F5: variants seen among roughly 807,000 people sequenced by gnomAD.
The protein encoded by F5 is activated protein c cofactor.
A neutral mutation model predicts 216.4 loss-of-function variants in F5; 138 were observed. The ratio of observed to expected loss-of-function variants is 0.64; its 90% CI spans 0.56 to 0.73. F5 has a LOEUF of 0.73. Among genes scored for constraint, F5 ranks in the 30% least tolerant of loss-of-function variants. F5 has a pLI of 0.00. For synonymous variants in F5, 916 were observed against 930.7 expected, an observed-to-expected ratio of 0.98 and a Z score of 0.29; for missense variants, 2,403 against 2,674.0, an observed-to-expected ratio of 0.90 and a Z score of 2.24.
chr1:169,567,726 G>A (rs1660639074), intron 3 of F5, among the ~76,000 whole-genome samples: 2 of 152,164 alleles, frequency 1.3e-5, no homozygotes, highest in South Asian at 4.2e-4. Context: ...TCATCCACTA[G>A]GTTCCAGGCT....
At position 169,544,132 on chromosome 1, in the gene F5, A is replaced by AT. The variant is rs532962761; in HGVS notation, c.1975+163dup. Among the ~76,000 whole-genome samples, 4 of 152,352 alleles carry AT rather than the reference A, an allele frequency of 2.6e-5. No homozygotes were observed. In the South Asian group the frequency reaches 6.2e-4, roughly 24 times the overall value. On this transcript the variant is annotated intron_variant, in intron 12 of 24. Transcript: ENST00000367797. ...CTAAAGAACTGGATCCATTTAAGTC[A>AT]TTAATTTCTCAAAGAGAAATCATGA...
rs879698638 is a variant in F5 at position 169,549,784 on chromosome 1, C to T, written c.1611+17G>A. The T allele has an allele frequency of 5.6e-6, 9 of 1,597,822 alleles. No individual in the cohort carries two copies. In the Admixed American group the frequency reaches 1.0e-4, roughly 18 times the overall value. ...AATTCTCAGAATTTCTGAAAGGTTA[C>T]TTCAAGGACAAAATACCTGTATTCC... On this transcript the variant is annotated intron_variant, in intron 10 of 24. Transcript: ENST00000367797.
chr1:169,550,854 C>T (rs1430146793), intron 8 of F5, 115 bp from the exon 9 acceptor site: 2 of 766,630 alleles, frequency 2.6e-6, no homozygotes, highest in Non-Finnish European at 4.5e-6. Flanking sequence ...CATGTGTACA[C>T]ACAGTAGGAA....
At position 169,560,603 on chromosome 1, in the gene F5, G is replaced by A. The variant is rs563995292; in HGVS notation, c.537C>T (p.Ile179=). 4.5e-5 allele frequency: 72 copies of A among 1,613,696 alleles called. No homozygotes were observed. In the South Asian group the frequency reaches 6.3e-4, roughly 14 times the overall value. ...THIYYSHENL[I]EDFNSGLIGP... ...CAATCAGCCCCGAGTTGAAATCCTCGATCAGATTTTCATGGGAGTAATAGA... is the reference window on the plus strand; with the variant it reads ...CAATCAGCCCCGAGTTGAAATCCTCAATCAGATTTTCATGGGAGTAATAGA... Residue 179 remains isoleucine (I), a synonymous_variant, in exon 4 of 25, where the codon ATC becomes ATT. Transcript: ENST00000367797.
intron 14 of F5, among the ~76,000 whole-genome samples, chr1:169,534,352 T>C (rs1248214863): frequency 6.6e-6 from 1 of 152,218 alleles, no homozygotes; most frequent in East Asian, 1.9e-4. Context: ...ATTCTATTAC[T>C]GGGTATATAG....
intron 10 of F5, among the ~76,000 whole-genome samples, chr1:169,548,595 C>G (rs1894695): frequency 0.24 from 35,771 of 151,996 alleles, 4,294 homozygotes; most frequent in Admixed American, 0.33. Flanking sequence ...GAGCCGGGCA[C>G]AGTGGCTCAC....
At chr1:169,550,589 C>T in intron 9 of F5, 51 bp downstream of exon 9, 1 of 1,399,388 alleles carries the variant, frequency 7.1e-7, no homozygotes, top group Non-Finnish European at 1.0e-6. Context: ...AAAAATGTGG[C>T]AGCCTCTCAG....
intron 7 of F5, among the ~76,000 whole-genome samples, chr1:169,554,098 A>G (rs7555750): frequency 0.032 from 2,782 of 86,846 alleles, 67 homozygotes; most frequent in African/African-American, 0.087. Flanking sequence ...TTAATAGAAA[A>G]TACATTCACA....
chr1:169,534,843 C>T (rs554887601), intron 14 of F5, among the ~76,000 whole-genome samples: 30 of 152,192 alleles, frequency 2.0e-4, no homozygotes, highest in Non-Finnish European at 3.5e-4. Context: ...TGGAATACTA[C>T]GCAGCCATAA....
At position 169,513,133 on chromosome 1, in the gene F5, T is replaced by C. The variant is rs1200737091; in HGVS notation, c.*1180A>G. ...GATTTCTCTGTGGTCTGAGAGATTG[T>C]TATGAATTTCGTTGATAAAATTTTA... On this transcript the variant is annotated 3_prime_UTR_variant, in exon 25 of 25. Transcript: ENST00000367797. Among the ~76,000 whole-genome samples, 2 of 152,116 alleles carry C rather than the reference T, an allele frequency of 1.3e-5. No homozygotes were observed. Among genetic ancestry groups the C allele is most frequent in the Non-Finnish European group, 2.9e-5 (2 of 67,998 alleles).
chr1:169,519,855 T>C (rs1195484862), intron 22 of F5, among the ~76,000 whole-genome samples: 1 of 152,172 alleles, frequency 6.6e-6, no homozygotes, highest in Non-Finnish European at 1.5e-5. Context: ...GTAAAAAATA[T>C]TGGAAAGCAC....
intron 3 of F5, among the ~76,000 whole-genome samples, chr1:169,571,897 T>C (rs76310219): frequency 6.6e-6 from 1 of 152,286 alleles, no homozygotes; most frequent in Non-Finnish European, 1.5e-5. Context: ...CGGAAAAATT[T>C]ACTGACCCCC....
intron 6 of F5, 41 bp downstream of exon 6, chr1:169,556,605 A>G: frequency 6.3e-7 from 1 of 1,595,906 alleles, no homozygotes; most frequent in Admixed American, 1.7e-5. Flanking sequence ...GGAAGAAAGG[A>G]TTCTGCATTG....
rs752636369 is a variant in F5, at chr1:169,552,655, C to T, written c.1198G>A (p.Glu400Lys). 6 of 1,612,850 alleles carry T rather than the reference C, an allele frequency of 3.7e-6. No homozygotes were observed. Among genetic ancestry groups the T allele is most frequent in the East Asian group, 2.2e-5 (1 of 44,812 alleles). ...HYKKVMYTQY[E>K]DESFTKHTVN... ...GTATGTTTGGTGAAGGACTCATCTT[C>T]GTACTGTGTGTACATAACTTTCTTA... The change falls in exon 8 of 25, where the codon GAA (glutamate) becomes AAA (lysine). Residue 400 changes from glutamate (E) to lysine (K), a missense_variant. Around this residue, in one of 4 missense-constraint regions of F5, gnomAD observed 1,425 missense variants for 1,554.8 expected, o/e 0.92. Transcript: ENST00000367797.
At chr1:169,577,578 T>TATATATAC (rs1427721666) in intron 2 of F5, among the ~76,000 whole-genome samples, 7 of 105,386 alleles carry the variant, frequency 6.6e-5, no homozygotes, top group African/African-American at 2.9e-4. Flanking sequence ...TATATATATA[T>TATATATAC]ATATATATAT....
At chr1:169,545,541 G>A (rs929130) in intron 11 of F5, among the ~76,000 whole-genome samples, 35,422 of 152,080 alleles carry the variant, frequency 0.23, 4,206 homozygotes, top group Admixed American at 0.33. Flanking sequence ...AATTACGCAT[G>A]TAGCTCATAC....
Position 169,559,430 on chromosome 1 carries a change from A to C in F5, c.587-134T>G, listed in dbSNP as rs949926484. The C allele has an allele frequency of 6.6e-6, 6 of 913,830 alleles. No homozygotes were observed. The African/African-American group carries it at 9.9e-5, about 15-fold the overall frequency. 56.6% of individuals were successfully genotyped at this position (913,830 alleles called of 1,614,324 possible). On this transcript the variant is annotated intron_variant, in intron 4 of 24. Coordinates refer to ENST00000367797, the MANE Select transcript of F5 (RefSeq NM_000130.5). ...CTTGAAGAAATTCTTATTTTTTAAA[A>C]TAGCATATTTATCAAGTAATAATGG... is the stretch of plus-strand genomic sequence containing the variant.
At chr1:169,573,841 T>G (rs934307103) in intron 2 of F5, among the ~76,000 whole-genome samples, 6 of 152,174 alleles carry the variant, frequency 3.9e-5, no homozygotes, top group African/African-American at 1.4e-4. Context: ...GCACAAATTC[T>G]GTCTGGGGAG....
chr1:169,559,058 A>G, intron 5 of F5, 95 bp downstream of exon 5: 3 of 1,351,120 alleles, frequency 2.2e-6, no homozygotes, highest in Non-Finnish European at 3.2e-6. Flanking sequence ...CAAAACAGTG[A>G]GTATGGTCAA....
Sources: allele counts gnomAD v4.1 joint callset (sites outside exome capture counted in the v4.1 genomes callset), GRCh38; gene constraint gnomAD v4.1.1; regional missense constraint gnomAD v4.1.1; transcripts MANE v1.5; gene names NCBI Gene and HGNC (gene_info 2026-07-23, HGNC 2026-07-21).